Variants in KDELR1 observed in about 807,000 individuals in gnomAD.
KDELR1 encodes ER lumen protein-retaining receptor 1.
A neutral mutation model predicts 25.5 loss-of-function variants in KDELR1; 16 were observed. The ratio of observed to expected loss-of-function variants is 0.63; its 90% CI spans 0.43 to 0.95. The LOEUF (loss-of-function observed/expected upper bound fraction) is 0.95. Ranked by LOEUF, KDELR1 falls within the 40% of genes least tolerant of loss-of-function variation. KDELR1 has a pLI of 0.00. For synonymous variants in KDELR1, 121 were observed against 115.0 expected (o/e 1.05, Z -0.33); for missense variants, 159 against 265.2 (o/e 0.60, Z 2.78).
chr19:48,384,870 T>C lies in KDELR1; in HGVS notation c.352-388A>G, dbSNP rs1439097062. Among the ~76,000 whole-genome samples the C allele has an allele frequency of 6.7e-6, 1 of 150,004 alleles. No homozygotes were observed. Among genetic ancestry groups the C allele is most frequent in the Admixed American group, 6.7e-5 (1 of 14,828 alleles). Reference sequence around the variant, plus strand: ...TGGGTTGGAATCTTGCCTTGGAAATTTCCCTTCCTTTTTCTTTTTCTTTTT... The same window carrying C: ...TGGGTTGGAATCTTGCCTTGGAAATCTCCCTTCCTTTTTCTTTTTCTTTTT... On this transcript the variant is annotated intron_variant, in intron 3 of 4. Coordinates refer to ENST00000330720, the MANE Select transcript of KDELR1 (RefSeq NM_006801.3). This position sits in a 1 kb window ranked among gnomAD's most constrained non-coding sequence, Gnocchi z 4.6.
At chr19:48,389,428 T>G (rs1970523115) in intron 3 of KDELR1, 125 bp downstream of exon 3, 4 of 1,085,506 alleles carry the variant, frequency 3.7e-6, no homozygotes, top group East Asian at 2.4e-5. Context: ...TGCACTGAAC[T>G]TATGCATCCT....
intron 1 of KDELR1, chr19:48,390,815 C>T (rs2147424984): frequency 2.2e-6 from 1 of 460,554 alleles, no homozygotes; most frequent in East Asian, 4.2e-5. Flanking sequence ...CAGACTAGGC[C>T]TCATGGCTAC....
chr19:48,391,296 G>C lies in KDELR1; in HGVS notation c.63C>G (p.Leu21=). The change falls in exon 1 of 5, where the codon CTC becomes CTG. Residue 21 remains leucine, a synonymous_variant. Transcript: ENST00000330720. ...CGCACGAGCGGGACTTCCAGATTTT[G>C]AGCAGTAGCAAGATGATGGCGAGGA... The part of the protein sequence containing the change: ...SHLLAIILLL[L]KIWKSRSCAG... 1 of 1,558,626 alleles carries C rather than the reference G, an allele frequency of 6.4e-7. No homozygotes were observed. The highest frequency in any genetic ancestry group is 1.4e-5 in the African/African-American group (1 of 73,568).
rs781352729 is a variant in KDELR1, at chr19:48,384,512, G to A, written c.352-30C>T. On this transcript the variant is annotated intron_variant, in intron 3 of 4. Coordinates refer to ENST00000330720, the MANE Select transcript of KDELR1 (RefSeq NM_006801.3). This position sits in a 1 kb window ranked among gnomAD's most constrained non-coding sequence, Gnocchi z 4.6. ...AGAGAGGCCGGGGACATGATGAGGT[G>A]GGAGGGGACAGGGCGGGAGAAAAGG... The A allele has an allele frequency of 3.3e-5, 53 of 1,603,636 alleles. 1 individual carries two copies. The Middle Eastern group carries it at 3.4e-3, about 102-fold the overall frequency.
chr19:48,388,725 A>T (rs1036650398), intron 3 of KDELR1, among the ~76,000 whole-genome samples: 3 of 150,868 alleles, frequency 2.0e-5, no homozygotes, highest in Non-Finnish European at 3.0e-5. Context: ...AAAGGAAGAA[A>T]AGGAAGAAAG....
chr19:48,395,661 C>G (rs770227858), upstream of KDELR1, among the ~76,000 whole-genome samples: 59 of 152,050 alleles, frequency 3.9e-4, no homozygotes, highest in Non-Finnish European at 6.2e-4. Context: ...TGGCACCCTC[C>G]TCCTCCTCCC....
Position 48,391,453 on chromosome 19 carries a change from G to A in KDELR1, c.-95C>T. 1 of 989,346 alleles carries A rather than the reference G, an allele frequency of 1.0e-6. No individual in the cohort carries two copies. Among genetic ancestry groups the A allele is most frequent in the Middle Eastern group, 2.6e-4 (1 of 3,816 alleles). The allele number at this position is 989,346 out of a possible 1,614,324, so 61.3% of individuals were successfully genotyped here. On this transcript the variant is annotated 5_prime_UTR_variant, in exon 1 of 5. Transcript: ENST00000330720. The stretch of plus-strand genomic sequence containing the variant: ...TGGTCTGAACGGGTAGCTGGGCTGG[G>A]GGGACGGAAGAGGGACCCTAGGTGC...
chr19:48,386,489 C>T (rs1232394857), intron 3 of KDELR1, among the ~76,000 whole-genome samples: 1 of 149,114 alleles, frequency 6.7e-6, no homozygotes, highest in Non-Finnish European at 1.5e-5. Flanking sequence ...GCTCTGTCAC[C>T]CAGGCTGGAG....
rs745507557 is a variant in KDELR1 at position 48,391,278 on chromosome 19, G to A, written c.81C>T (p.Arg27=). 1.9e-6 allele frequency: 3 copies of A among 1,555,426 alleles called. No individual in the cohort carries two copies. The highest frequency in any genetic ancestry group is 2.6e-6 in the Non-Finnish European group (3 of 1,149,112). ...TGGTGGGCCTCTCACCGGCGCACGA[G>A]CGGGACTTCCAGATTTTGAGCAGTA... is the stretch of plus-strand genomic sequence containing the variant. ...ILLLLKIWKS[R]SCAGISGKSQ... is the part of the protein sequence containing the mutation. Residue 27 remains arginine, a synonymous_variant, in exon 1 of 5, where the codon CGC becomes CGT. Transcript: ENST00000330720.
At chr19:48,389,141 G>C (rs1303944666) in intron 3 of KDELR1, among the ~76,000 whole-genome samples, 1 of 152,062 alleles carries the variant, frequency 6.6e-6, no homozygotes, top group Non-Finnish European at 1.5e-5. Context: ...ATGGTGATGT[G>C]CACCTGTCTT....
At position 48,384,592 on chromosome 19, in the gene KDELR1, T is replaced by G. The variant is rs1037626285; in HGVS notation, c.352-110A>C. The G allele has an allele frequency of 1.7e-5, 23 of 1,362,158 alleles. No individual in the cohort carries two copies. In the African/African-American group the frequency reaches 2.9e-4, roughly 17 times the overall value. The allele number at this position is 1,362,158 out of a possible 1,614,324, so 84.4% of individuals were successfully genotyped here. A position where few individuals can be genotyped will look rare whatever the true frequency, so the allele number is the denominator to read the frequency against. ...GCGAAGGTGGAGAGAAGGAAGGTGA[T>G]CCAGGTGCTGCCAAGTGCCAGACAC... On this transcript the variant is annotated intron_variant, in intron 3 of 4. Transcript: ENST00000330720. This position sits in a 1 kb window ranked among gnomAD's most constrained non-coding sequence, Gnocchi z 4.6.
chr19:48,389,533 A>G lies in KDELR1; in HGVS notation c.351+20T>C. On this transcript the variant is annotated intron_variant, in intron 3 of 4. Coordinates refer to ENST00000330720, the MANE Select transcript of KDELR1 (RefSeq NM_006801.3). ...GCCACAACCATCCCCCCAAATAAGGAGTCACAGCAAGGCGCCTACCTCCAG... is the reference window on the plus strand; with the variant it reads ...GCCACAACCATCCCCCCAAATAAGGGGTCACAGCAAGGCGCCTACCTCCAG... The G allele has an allele frequency of 6.2e-7, 1 of 1,613,598 alleles. No individual in the cohort carries two copies. The highest frequency in any genetic ancestry group is 8.5e-7 in the Non-Finnish European group (1 of 1,179,750).
In KDELR1 at chr19:48,384,485, G is replaced by A. The variant is rs879191716; in HGVS notation, c.352-3C>T. 6.2e-7 allele frequency: 1 copy of A among 1,611,594 alleles called. No individual in the cohort carries two copies. The highest frequency in any genetic ancestry group is 1.1e-5 in the South Asian group (1 of 90,664). ...TAGATGGAGAAGGTCCAGAGGATCT[G>A]CAGAGAGGCCGGGGACATGATGAGG... On this transcript the variant is annotated splice_region_variant and splice_polypyrimidine_tract_variant and intron_variant, in intron 3 of 4. Transcript: ENST00000330720. This position sits in a 1 kb window ranked among gnomAD's most constrained non-coding sequence, Gnocchi z 4.6.
chr19:48,388,782 A>C (rs1970516086), intron 3 of KDELR1, among the ~76,000 whole-genome samples: 1 of 150,328 alleles, frequency 6.7e-6, no homozygotes, highest in Non-Finnish European at 1.5e-5. Context: ...GGAAGAAAGA[A>C]AGAAAGGAAA....
At chr19:48,387,541 G>A (rs1970506154) in intron 3 of KDELR1, among the ~76,000 whole-genome samples, 1 of 152,028 alleles carries the variant, frequency 6.6e-6, no homozygotes, top group South Asian at 2.1e-4. Flanking sequence ...AATTAGCCAG[G>A]CGTGGTGGCA....
At chr19:48,395,838 G>A (rs921562694), upstream of KDELR1, among the ~76,000 whole-genome samples, 1 of 152,086 alleles carries the variant, frequency 6.6e-6, no homozygotes, top group African/African-American at 2.4e-5. Context: ...GTCCTTGGGG[G>A]AAGAGGGGAG....
intron 4 of KDELR1, 76 bp from the exon 5 acceptor site, chr19:48,383,403 C>T (rs1569050950): frequency 7.4e-7 from 1 of 1,357,614 alleles, no homozygotes; most frequent in Non-Finnish European, 1.0e-6. Flanking sequence ...ACAGCCAGAG[C>T]AGGGCAGGCA....
At chr19:48,389,089 G>C (rs1191691115) in intron 3 of KDELR1, among the ~76,000 whole-genome samples, 1 of 152,116 alleles carries the variant, frequency 6.6e-6, no homozygotes, top group African/African-American at 2.4e-5. Context: ...TGGTCAACAT[G>C]TGAAACCCTG....
At position 48,391,371 on chromosome 19, in the gene KDELR1, C is replaced by G. The variant is rs1230388837; in HGVS notation, c.-13G>C. 9.7e-6 allele frequency: 15 copies of G among 1,549,642 alleles called. No homozygotes were observed. The South Asian group carries it at 1.8e-4, about 18-fold the overall frequency. The stretch of plus-strand genomic sequence containing the variant: ...GGAAGAGATTCATGGCTGGGGAACC[C>G]TGGCAGGGCTGAGCGGGAGGGAGGC... On this transcript the variant is annotated 5_prime_UTR_variant, in exon 1 of 5. Transcript: ENST00000330720.
Sources: gnomAD v4.1 joint callset for allele counts (sites outside exome capture counted in the v4.1 genomes callset) on GRCh38, gnomAD v4.1.1 for gene constraint, Gnocchi (gnomAD v3.1) non-coding constraint, MANE v1.5 for transcripts, NCBI Gene and HGNC (gene_info 2026-07-23, HGNC 2026-07-21) for gene names.